Variants in ASTN1 observed in about 807,000 individuals in gnomAD.
The protein encoded by ASTN1 is astrotactin 1.
Under a neutral mutation model 140.7 loss-of-function variants are expected in ASTN1, and 41 were observed. The observed-to-expected ratio is 0.29, with a 90% CI of 0.23 to 0.38. The LOEUF (loss-of-function observed/expected upper bound fraction) is 0.38. Ranked by LOEUF, ASTN1 falls within the 10% of genes least tolerant of loss-of-function variation. The pLI is 1.00. For missense variants in ASTN1, 1,479 were observed against 1,678.8 expected (o/e 0.88, Z 2.08); for synonymous variants, 640 against 652.2 (o/e 0.98, Z 0.29).
At chr1:176,978,142 G>A (rs1350948454) in intron 8 of ASTN1, among the ~76,000 whole-genome samples, 1 of 152,228 alleles carries the variant, frequency 6.6e-6, no homozygotes, top group Non-Finnish European at 1.5e-5. Flanking sequence ...CCAAAGGCAT[G>A]GAGGTGGGTG....
At chr1:176,951,228 C>T (rs1672179783) in intron 11 of ASTN1, among the ~76,000 whole-genome samples, 1 of 152,214 alleles carries the variant, frequency 6.6e-6, no homozygotes, top group Non-Finnish European at 1.5e-5. Flanking sequence ...GGTAAACAAG[C>T]AAATGAGGCA....
intron 1 of ASTN1, 34 bp downstream of exon 1, chr1:177,164,360 G>T: frequency 6.5e-7 from 1 of 1,530,358 alleles, no homozygotes; most frequent in Non-Finnish European, 8.8e-7. Context: ...CCGGTCCAGC[G>T]CCTCCGGCCG....
chr1:177,138,436 AG>A (rs1393752830), intron 1 of ASTN1, among the ~76,000 whole-genome samples: 1 of 152,208 alleles, frequency 6.6e-6, no homozygotes, highest in Non-Finnish European at 1.5e-5. Context: ...TTTTTGTGGT[AG>A]GGTGGAGGGG....
chr1:177,085,330 T>A (rs995420797), intron 1 of ASTN1, among the ~76,000 whole-genome samples: 55 of 152,298 alleles, frequency 3.6e-4, no homozygotes, highest in African/African-American at 1.3e-3. Flanking sequence ...TTGTATATGT[T>A]GGAGTAGACG....
At chr1:176,952,296 C>T (rs1312349269) in intron 11 of ASTN1, among the ~76,000 whole-genome samples, 6 of 151,856 alleles carry the variant, frequency 4.0e-5, no homozygotes, top group Admixed American at 1.3e-4. Context: ...CACACACGCA[C>T]ATGCATGCAT....
At chr1:176,868,531 G>A (rs1668211210) in intron 22 of ASTN1, among the ~76,000 whole-genome samples, 1 of 152,122 alleles carries the variant, frequency 6.6e-6, no homozygotes, top group Non-Finnish European at 1.5e-5. Flanking sequence ...CCTTTCACAA[G>A]ACCATGCTTT....
chr1:176,944,589 C>G (rs1447675498), intron 13 of ASTN1, among the ~76,000 whole-genome samples: 1 of 152,146 alleles, frequency 6.6e-6, no homozygotes, highest in Non-Finnish European at 1.5e-5. Flanking sequence ...CTTTCTGAAC[C>G]AAGAAGTTCC....
intron 16 of ASTN1, among the ~76,000 whole-genome samples, chr1:176,904,366 C>A (rs1209337660): frequency 6.6e-6 from 1 of 152,096 alleles, no homozygotes; most frequent in Non-Finnish European, 1.5e-5. Context: ...TTGTCAAAGT[C>A]AAAATAAACC....
chr1:177,151,876 A>T (rs1285675282), intron 1 of ASTN1, among the ~76,000 whole-genome samples: 1 of 152,090 alleles, frequency 6.6e-6, no homozygotes, highest in Non-Finnish European at 1.5e-5. Context: ...TGGAGAGAAA[A>T]AGGAAATAGC....
intron 8 of ASTN1, among the ~76,000 whole-genome samples, chr1:176,985,291 AC>A (rs763606170): frequency 2.6e-5 from 4 of 151,914 alleles, no homozygotes; most frequent in Admixed American, 6.6e-5. Context: ...CTCAGTCTCC[AC>A]CCGCACCTCT....
chr1:176,936,414 T>A (rs755765118), intron 14 of ASTN1, 44 bp from the exon 15 acceptor site: 141 of 1,516,690 alleles, frequency 9.3e-5, no homozygotes, highest in Non-Finnish European at 1.2e-4. Flanking sequence ...TACTGATTCA[T>A]AAGTTCCAAA....
intron 1 of ASTN1, among the ~76,000 whole-genome samples, chr1:177,154,634 AAC>A (rs1683167558): frequency 6.6e-6 from 1 of 151,958 alleles, no homozygotes; most frequent in Non-Finnish European, 1.5e-5. Context: ...AAAATACATT[AAC>A]ACAGAACAAC....
intron 2 of ASTN1, among the ~76,000 whole-genome samples, chr1:177,036,494 A>G (rs1392174018): frequency 6.6e-6 from 1 of 152,202 alleles, no homozygotes; most frequent in Non-Finnish European, 1.5e-5. Flanking sequence ...ACAGATGTCA[A>G]AATACTTTGC....
intron 8 of ASTN1, among the ~76,000 whole-genome samples, chr1:176,998,272 T>C (rs958775819): frequency 4.3e-4 from 65 of 152,184 alleles, no homozygotes; most frequent in African/African-American, 1.4e-3. Flanking sequence ...CAAATAATGC[T>C]TGTCACATGG....
At chr1:177,029,412 T>C (rs181176070) in intron 5 of ASTN1, 1 of 741,286 alleles carries the variant, frequency 1.3e-6, no homozygotes, top group Non-Finnish European at 2.5e-6. Context: ...GGAAACTTGT[T>C]TGAGAGTGCC....
intron 1 of ASTN1, among the ~76,000 whole-genome samples, chr1:177,078,656 C>T (rs374400939): frequency 5.9e-5 from 9 of 152,134 alleles, no homozygotes; most frequent in East Asian, 3.9e-4. Context: ...AGTCTAGGTA[C>T]GGCCCTTTTT....
intron 17 of ASTN1, among the ~76,000 whole-genome samples, chr1:176,893,931 C>T (rs1030466321): frequency 1.3e-5 from 2 of 152,126 alleles, no homozygotes; most frequent in East Asian, 1.9e-4. Flanking sequence ...TTTCTCCTGG[C>T]ATCTTTGGAA....
rs1673648287 is a variant in ASTN1 at position 176,982,158 on chromosome 1, G to GGGACTGGCCAACCTGAAGAAAA, written c.1524-16943_1524-16922dup. On this transcript the variant is annotated intron_variant, in intron 8 of 22. Coordinates refer to ENST00000361833, the MANE Select transcript of ASTN1 (RefSeq NM_004319.3). ...TGTCTCTGCAAATTTCCTTCTCCAGGGGACTGGCCAACCTGAAGAAAAGTC... is the reference window on the plus strand; with the variant it reads ...TGTCTCTGCAAATTTCCTTCTCCAGGGGACTGGCCAACCTGAAGAAAAGGACTGGCCAACCTGAAGAAAAGTC... Among the ~76,000 whole-genome samples, 8 of 152,164 alleles carry GGGACTGGCCAACCTGAAGAAAA rather than the reference G, an allele frequency of 5.3e-5. 1 individual carries two copies. Among genetic ancestry groups the GGGACTGGCCAACCTGAAGAAAA allele is most frequent in the Admixed American group, 3.9e-4 (6 of 15,282 alleles).
Position 177,109,835 on chromosome 1 carries a change from T to A in ASTN1, c.284-48570A>T, listed in dbSNP as rs1321918605. ...AATAGAGAATCACAATTCTCTCCACTGTTTTACTGCTTTGGGTGGAAGAGC... is the reference window on the plus strand; with the variant it reads ...AATAGAGAATCACAATTCTCTCCACAGTTTTACTGCTTTGGGTGGAAGAGC... On this transcript the variant is annotated intron_variant, in intron 1 of 22. Transcript: ENST00000361833. Among the ~76,000 whole-genome samples the A allele has an allele frequency of 3.3e-5, 5 of 152,242 alleles. No individual in the cohort carries two copies. In the East Asian group the frequency reaches 9.6e-4, roughly 29 times the overall value.
Sources: gnomAD v4.1 joint callset for allele counts (sites outside exome capture counted in the v4.1 genomes callset) on GRCh38, gnomAD v4.1.1 for gene constraint, MANE v1.5 for transcripts, NCBI Gene and HGNC (gene_info 2026-07-23, HGNC 2026-07-21) for gene names.